The following SMARCA2 variants were observed in gnomAD, a reference collection of about 807,000 sequenced individuals.
SMARCA2 encodes SWI/SNF-related matrix-associated actin-dependent regulator of chromatin subfamily A member 2.
A neutral mutation model predicts 199.8 loss-of-function variants in SMARCA2; 61 were observed. The observed-to-expected ratio is 0.31, with a 90% CI of 0.25 to 0.38. The LOEUF (loss-of-function observed/expected upper bound fraction) is 0.38, where lower values mean the gene tolerates loss of function less well. Among genes scored for constraint, SMARCA2 ranks in the 10% least tolerant of loss-of-function variants. The probability of loss-of-function intolerance (pLI) is 1.00; values close to 1 mark genes in which losing one functional copy is unlikely to be tolerated. For missense variants in SMARCA2, 1,344 were observed against 2,012.2 expected, an observed-to-expected ratio of 0.67 and a Z score of 6.35; for synonymous variants, 935 against 732.0, an observed-to-expected ratio of 1.28 and a Z score of -4.48.
intron 9 of SMARCA2, among the ~76,000 whole-genome samples, chr9:2,064,387 G>GT (rs1563742851): frequency 6.6e-6 from 1 of 152,154 alleles, no homozygotes; most frequent in Non-Finnish European, 1.5e-5. Flanking sequence ...TTGTAGTGAG[G>GT]ATTACACGGG....
chr9:2,061,784 A>G (rs893820663), intron 9 of SMARCA2, among the ~76,000 whole-genome samples: 1 of 152,222 alleles, frequency 6.6e-6, no homozygotes, highest in African/African-American at 2.4e-5. Context: ...TTCATTCTGT[A>G]TACTGAATAA....
chr9:2,086,702 A>C lies in SMARCA2; in HGVS notation c.2527-127A>C, dbSNP rs1586690468. On this transcript the variant is annotated intron_variant, in intron 17 of 33. Transcript: ENST00000349721. The surrounding 1 kb of genome is among the most constrained non-coding windows in gnomAD (Gnocchi z 4.3). ...GACATTGTTGAGATTCCCTTGTCTCAAAGGTAATCACAGCATATCATATAC... is the reference window on the plus strand; with the variant it reads ...GACATTGTTGAGATTCCCTTGTCTCCAAGGTAATCACAGCATATCATATAC... 1 of 964,888 alleles carries C rather than the reference A, an allele frequency of 1.0e-6. No homozygotes were observed. The highest frequency in any genetic ancestry group is 2.4e-5 in the East Asian group (1 of 41,776). 59.8% of individuals were successfully genotyped at this position (964,888 alleles called of 1,614,324 possible).
Position 2,029,175 on chromosome 9 carries a change from A to C in SMARCA2, c.153A>C (p.Pro51=). 1 of 1,613,502 alleles carries C rather than the reference A, an allele frequency of 6.2e-7. No individual in the cohort carries two copies. Among genetic ancestry groups the C allele is most frequent in the East Asian group, 2.2e-5 (1 of 44,878 alleles). ...HSMMGPSPGP[P]SVSHPMPTMG... is the part of the protein sequence containing the mutation. ...TGATGGGGCCAAGTCCTGGACCTCC[A>C]AGTGTCTCCCATCCTATGCCGACGA... The change falls in exon 2 of 34, where the codon CCA becomes CCC. Residue 51 remains proline, a synonymous_variant. Coordinates refer to ENST00000349721, the MANE Select transcript of SMARCA2 (RefSeq NM_003070.5).
intron 1 of SMARCA2, among the ~76,000 whole-genome samples, chr9:2,020,190 T>C (rs1818539116): frequency 1.3e-5 from 2 of 152,230 alleles, no homozygotes. Flanking sequence ...TTCCCTAGTA[T>C]GAAAGCCACA....
intron 27 of SMARCA2, among the ~76,000 whole-genome samples, chr9:2,142,485 A>G (rs1824511884): frequency 6.6e-6 from 1 of 152,174 alleles, no homozygotes; most frequent in Admixed American, 6.5e-5. Context: ...GGTCAGATAA[A>G]CAGCTTGGTT....
chr9:2,058,076 T>A, intron 7 of SMARCA2: 1 of 464,784 alleles, frequency 2.2e-6, no homozygotes, highest in East Asian at 3.5e-5. Flanking sequence ...TGCTAAAGCT[T>A]ACAACAAAAG....
intron 4 of SMARCA2, chr9:2,045,895 A>C (rs1376887575): frequency 2.0e-5 from 3 of 151,804 alleles, no homozygotes; most frequent in Non-Finnish European, 4.4e-5. Context: ...TTTCCTAAGC[A>C]GTTTGTTCTA....
chr9:2,041,689 T>C (rs1819610799), intron 4 of SMARCA2: 1 of 320,374 alleles, frequency 3.1e-6, no homozygotes, highest in Non-Finnish European at 5.6e-6. Context: ...TGGAGGCATT[T>C]GGTAGGTGGA....
In SMARCA2 at chr9:2,189,496, G is replaced by A. The variant is rs139136311; in HGVS notation, c.4595-1770G>A. On this transcript the variant is annotated intron_variant, in intron 32 of 33. Transcript: ENST00000349721. ...CCTGTGTCAGGGAGAGCCCACACCT[G>A]TATAAATGGACATATTTCACTTTGT... Among the ~76,000 whole-genome samples the A allele has an allele frequency of 9.2e-5, 14 of 152,210 alleles. No homozygotes were observed. The East Asian group carries it at 2.7e-3, about 29-fold the overall frequency.
At chr9:2,051,270 T>C (rs1194650837) in intron 5 of SMARCA2, among the ~76,000 whole-genome samples, 1 of 152,208 alleles carries the variant, frequency 6.6e-6, no homozygotes, top group Non-Finnish European at 1.5e-5. Flanking sequence ...CTCCTAGAGT[T>C]TGCGCTTTGT....
chr9:2,138,184 CAA>C (rs34160659), intron 27 of SMARCA2, among the ~76,000 whole-genome samples: 6 of 148,174 alleles, frequency 4.0e-5, no homozygotes, highest in East Asian at 2.0e-4. Flanking sequence ...ACAACAACAA[CAA>C]AAAAAAAACA....
At chr9:2,098,301 A>T (rs541563158) in intron 21 of SMARCA2, among the ~76,000 whole-genome samples, 4 of 152,254 alleles carry the variant, frequency 2.6e-5, no homozygotes, top group African/African-American at 9.6e-5. Flanking sequence ...TAAAAAATAC[A>T]TAGAAACTTC....
rs1163732872 is a variant in SMARCA2 at position 2,016,120 on chromosome 9, G to GT, written c.-37+717dup. Reference sequence around the variant, plus strand: ...AAGCCTGAGCTGACGCGCGAAGGAGGTAGCGGCCACTGCCGCGGGGCCGGT... The same window carrying GT: ...AAGCCTGAGCTGACGCGCGAAGGAGGTTAGCGGCCACTGCCGCGGGGCCGGT... On this transcript the variant is annotated intron_variant, in intron 1 of 33. Transcript: ENST00000349721. This position sits in a 1 kb window ranked among gnomAD's most constrained non-coding sequence, Gnocchi z 5.6. 1 of 152,408 alleles carries GT rather than the reference G, an allele frequency of 6.6e-6. No homozygotes were observed. Among genetic ancestry groups the GT allele is most frequent in the Non-Finnish European group, 1.5e-5 (1 of 68,196 alleles). 9.4% of individuals were successfully genotyped at this position (152,408 alleles called of 1,614,324 possible).
chr9:2,021,373 A>G (rs961826275), intron 1 of SMARCA2, among the ~76,000 whole-genome samples: 1 of 152,256 alleles, frequency 6.6e-6, no homozygotes, highest in African/African-American at 2.4e-5. Flanking sequence ...TCTCTAACCA[A>G]AAAGGAACGT....
At chr9:2,033,329 C>G (rs1157883836) in intron 3 of SMARCA2, 5 of 397,488 alleles carry the variant, frequency 1.3e-5, no homozygotes, top group Non-Finnish European at 2.2e-5. Context: ...GCAAAGAGCT[C>G]TATGTACTTT....
At chr9:2,026,173 G>A (rs141252412) in intron 1 of SMARCA2, among the ~76,000 whole-genome samples, 33 of 152,238 alleles carry the variant, frequency 2.2e-4, no homozygotes, top group African/African-American at 7.2e-4. Context: ...TGAATATCAC[G>A]TCACGTTCTA....
rs911176126 is a variant in SMARCA2 at position 2,031,350 on chromosome 9, GATT to G, written c.226-1600_226-1598del. Among the ~76,000 whole-genome samples the G allele has an allele frequency of 3.9e-5, 6 of 152,240 alleles. No individual in the cohort carries two copies. In the South Asian group the frequency reaches 1.2e-3, roughly 32 times the overall value. On this transcript the variant is annotated intron_variant, in intron 2 of 33. Coordinates refer to ENST00000349721, the MANE Select transcript of SMARCA2 (RefSeq NM_003070.5). Reference sequence around the variant, plus strand: ...AAGTCCTGAAATTGTTTTCTGTTTAGATTAAATGAATTTGGGAGCTATATTCTG... The same window carrying G: ...AAGTCCTGAAATTGTTTTCTGTTTAGAAATGAATTTGGGAGCTATATTCTG...
chr9:2,090,383 T>A (rs1822001068), intron 19 of SMARCA2, among the ~76,000 whole-genome samples: 1 of 152,216 alleles, frequency 6.6e-6, no homozygotes, highest in African/African-American at 2.4e-5. Context: ...AGCCATGTTA[T>A]CTTTTCCTTT....
rs80079634 is a variant in SMARCA2 at position 2,067,970 on chromosome 9, C to G, written c.1693-2448C>G. ...ATGTACTATTCATTGAAGTGGTGATCCAATTCCACTTGCTAGATATTTGAA... is the reference window on the plus strand; with the variant it reads ...ATGTACTATTCATTGAAGTGGTGATGCAATTCCACTTGCTAGATATTTGAA... On this transcript the variant is annotated intron_variant, in intron 9 of 33. Coordinates refer to ENST00000349721, the MANE Select transcript of SMARCA2 (RefSeq NM_003070.5). 4.3e-3 allele frequency among the ~76,000 whole-genome samples: 661 copies of G among 152,188 alleles called. 17 individuals are homozygous for G. Among genetic ancestry groups the G allele is most frequent in the East Asian group, 0.043 (222 of 5,174 alleles).
Sources: allele counts gnomAD v4.1 joint callset (sites outside exome capture counted in the v4.1 genomes callset), GRCh38; gene constraint gnomAD v4.1.1; non-coding constraint Gnocchi (gnomAD v3.1); transcripts MANE v1.5; gene names NCBI Gene and HGNC (gene_info 2026-07-23, HGNC 2026-07-21).